The following PEAK1 variants were observed in gnomAD, a reference collection of about 807,000 sequenced individuals.
PEAK1 encodes the protein pseudopodium enriched atypical kinase 1.
In PEAK1, 54 loss-of-function variants were observed where a neutral mutation model predicts 124.7. The ratio of observed to expected loss-of-function variants is 0.43; its 90% CI spans 0.35 to 0.54. The LOEUF is 0.54. Among genes scored for constraint, PEAK1 ranks in the 20% least tolerant of loss-of-function variants. The pLI is 0.01. For missense variants in PEAK1, 2,046 were observed against 2,134.5 expected (o/e 0.96, Z 0.82); for synonymous variants, 719 against 760.0 (o/e 0.95, Z 0.89).
intron 2 of PEAK1, among the ~76,000 whole-genome samples, chr15:77,357,430 A>G (rs1011619359): frequency 6.6e-6 from 1 of 152,036 alleles, no homozygotes; most frequent in African/African-American, 2.4e-5. Flanking sequence ...GTGCCATTAC[A>G]ACTGGCTAAT....
At chr15:77,355,872 C>G in intron 2 of PEAK1, 1 of 985,334 alleles carries the variant, frequency 1.0e-6, no homozygotes, top group Non-Finnish European at 1.2e-6. Flanking sequence ...AGTTACAGCC[C>G]TGGAAAAATG....
intron 5 of PEAK1, among the ~76,000 whole-genome samples, chr15:77,253,209 T>C (rs956671046): frequency 2.3e-5 from 3 of 131,906 alleles, no homozygotes; most frequent in Non-Finnish European, 3.2e-5. Context: ...ACATTTTATA[T>C]AAAGAACCTG....
Position 77,124,604 on chromosome 15 carries a change from T to C in PEAK1, c.4077+8401A>G, listed in dbSNP as rs148967421. On this transcript the variant is annotated intron_variant, in intron 9 of 9. Transcript: ENST00000682557. ...GCCCCTTCTTTTCCTTTGCCTTACATCAGGTCTCATTTTACCTGGACTACT... is the reference window on the plus strand; with the variant it reads ...GCCCCTTCTTTTCCTTTGCCTTACACCAGGTCTCATTTTACCTGGACTACT... Among the ~76,000 whole-genome samples, 5 of 152,360 alleles carry C rather than the reference T, an allele frequency of 3.3e-5. No homozygotes were observed. The East Asian group carries it at 7.7e-4, about 23-fold the overall frequency.
chr15:77,117,649 C>G (rs1385528407), intron 9 of PEAK1, among the ~76,000 whole-genome samples: 1 of 152,168 alleles, frequency 6.6e-6, no homozygotes, highest in African/African-American at 2.4e-5. Context: ...TGCTAACATT[C>G]AATACCTCCA....
intron 5 of PEAK1, among the ~76,000 whole-genome samples, chr15:77,266,230 T>C (rs1393746683): frequency 6.6e-6 from 1 of 152,076 alleles, no homozygotes; most frequent in African/African-American, 2.4e-5. Flanking sequence ...TGTGCACATG[T>C]ACCCTAAAAG....
intron 9 of PEAK1, among the ~76,000 whole-genome samples, chr15:77,116,084 C>G (rs1555411961): frequency 3.3e-5 from 5 of 152,086 alleles, no homozygotes; most frequent in Non-Finnish European, 2.9e-5. Context: ...GGTTATGGAT[C>G]AAGGAAGAAT....
intron 1 of PEAK1, chr15:77,402,503 A>G: frequency 1.0e-6 from 1 of 965,294 alleles, no homozygotes; most frequent in South Asian, 4.8e-5. Context: ...ACATGTTAAA[A>G]TTATTAGTAT....
At chr15:77,350,067 A>C (rs894929621) in intron 2 of PEAK1, 1 of 985,334 alleles carries the variant, frequency 1.0e-6, no homozygotes, top group Admixed American at 6.1e-5. Flanking sequence ...GATAGTTTTC[A>C]GATCATTTGT....
chr15:77,265,757 T>C (rs2061689225), intron 5 of PEAK1, among the ~76,000 whole-genome samples: 1 of 152,034 alleles, frequency 6.6e-6, no homozygotes. Context: ...CATTACTGGG[T>C]ATATACCCAA....
intron 1 of PEAK1, among the ~76,000 whole-genome samples, chr15:77,413,931 C>T (rs1308474950): frequency 6.6e-6 from 1 of 152,066 alleles, no homozygotes; most frequent in Non-Finnish European, 1.5e-5. Flanking sequence ...TCAAGTGATC[C>T]TCTGACCTCA....
chr15:77,240,968 T>C (rs948878671), intron 6 of PEAK1, among the ~76,000 whole-genome samples: 8 of 152,110 alleles, frequency 5.3e-5, no homozygotes, highest in Non-Finnish European at 1.5e-5. Context: ...TTCACCATGA[T>C]GCTAAAATCA....
intron 8 of PEAK1, among the ~76,000 whole-genome samples, chr15:77,152,916 T>C (rs1303321768): frequency 6.6e-6 from 1 of 152,220 alleles, no homozygotes; most frequent in African/African-American, 2.4e-5. Flanking sequence ...GATTTTTGCA[T>C]CAATGTTCAT....
At chr15:77,338,204 C>A in intron 2 of PEAK1, 2 of 748,710 alleles carry the variant, frequency 2.7e-6, no homozygotes, top group South Asian at 1.2e-4. Flanking sequence ...CTGTATGGTT[C>A]AGATTTAATT....
intron 2 of PEAK1, among the ~76,000 whole-genome samples, chr15:77,331,300 T>G (rs181966034): frequency 6.6e-6 from 1 of 152,254 alleles, no homozygotes; most frequent in Non-Finnish European, 1.5e-5. Context: ...CAGCTAATTT[T>G]TGTATTTTTA....
At chr15:77,299,993 C>A (rs1242401796) in intron 2 of PEAK1, among the ~76,000 whole-genome samples, 1 of 152,160 alleles carries the variant, frequency 6.6e-6, no homozygotes, top group Non-Finnish European at 1.5e-5. Context: ...GCTTCTGCAT[C>A]CTTTAGATAT....
rs777441988 is a variant in PEAK1, at chr15:77,109,239, A to T, written c.*4917T>A. 5.9e-5 allele frequency: 9 copies of T among 152,250 alleles called. No homozygotes were observed. The highest frequency in any genetic ancestry group is 1.2e-4 in the Non-Finnish European group (8 of 68,036). The allele number at this position is 152,250 out of a possible 1,614,324, so 9.4% of individuals were successfully genotyped here. On this transcript the variant is annotated 3_prime_UTR_variant, in exon 10 of 10. Coordinates refer to ENST00000682557, the MANE Select transcript of PEAK1 (RefSeq NM_001385026.1). ...AAGCTGAGGTTTGGGCAATAGCCAC[A>T]GTCATGTCAAGGGGACATGGAAGAG... is the stretch of plus-strand genomic sequence containing the variant.
At chr15:77,384,544 T>C (rs2069762065) in intron 1 of PEAK1, among the ~76,000 whole-genome samples, 1 of 152,230 alleles carries the variant, frequency 6.6e-6, no homozygotes, top group Non-Finnish European at 1.5e-5. Flanking sequence ...CATTACTCTA[T>C]TAAGCATACA....
intron 9 of PEAK1, among the ~76,000 whole-genome samples, chr15:77,127,807 T>A (rs2152732277): frequency 6.6e-6 from 1 of 152,144 alleles, no homozygotes; most frequent in Non-Finnish European, 1.5e-5. Context: ...AGGCCAGGCG[T>A]TGTGGCTCAT....
chr15:77,402,664 T>C (rs2071472995), intron 1 of PEAK1: 1 of 985,310 alleles, frequency 1.0e-6, no homozygotes, highest in Non-Finnish European at 1.2e-6. Flanking sequence ...ACTCCCATAG[T>C]GTATCGTTTA....
Sources: allele counts gnomAD v4.1 joint callset (sites outside exome capture counted in the v4.1 genomes callset), GRCh38; gene constraint gnomAD v4.1.1; transcripts MANE v1.5; gene names NCBI Gene and HGNC (gene_info 2026-07-23, HGNC 2026-07-21).